The following GPI variants were observed in gnomAD, a reference collection of about 807,000 sequenced individuals.
GPI encodes the protein D-hexose-6-phosphate anomerase.
In GPI, 56 loss-of-function variants were observed where a neutral mutation model predicts 75.8. That is an observed-to-expected ratio of 0.74 (90% CI 0.60 to 0.92). The LOEUF (loss-of-function observed/expected upper bound fraction) is 0.92. Ranked by LOEUF, GPI falls within the 40% of genes least tolerant of loss-of-function variation. GPI has a pLI of 0.00. For synonymous variants in GPI, 288 were observed against 285.4 expected, an observed-to-expected ratio of 1.01 and a Z score of -0.09; for missense variants, 638 against 741.0, an observed-to-expected ratio of 0.86 and a Z score of 1.61.
intron 3 of GPI, chr19:34,367,181 A>G: frequency 1.2e-5 from 5 of 417,236 alleles, no homozygotes; most frequent in Non-Finnish European, 2.3e-5. Context: ...AGCGACAAGA[A>G]GAATCTTAGA....
At chr19:34,369,473 G>T (rs964445437) in intron 4 of GPI, among the ~76,000 whole-genome samples, 1 of 152,084 alleles carries the variant, frequency 6.6e-6, no homozygotes, top group African/African-American at 2.4e-5. Flanking sequence ...TTGAGAGGCC[G>T]GGGTGGGTGG....
At chr19:34,366,521 A>G in intron 2 of GPI, 86 bp downstream of exon 2, 1 of 905,220 alleles carries the variant, frequency 1.1e-6, no homozygotes, top group Non-Finnish European at 1.9e-6. Context: ...GACCTTGAGT[A>G]TCTTGAGTTC....
intron 1 of GPI, 147 bp downstream of exon 1, chr19:34,365,535 A>T: frequency 7.7e-7 from 1 of 1,303,582 alleles, no homozygotes; most frequent in Non-Finnish European, 1.1e-6. Context: ...CCGAGTCCGC[A>T]CTTCGTCCTT....
chr19:34,365,854 G>A (rs2074354846), intron 1 of GPI: 1 of 470,722 alleles, frequency 2.1e-6, no homozygotes, highest in Non-Finnish European at 4.2e-6. Flanking sequence ...TGGAGACGTC[G>A]GGCGTGATTC....
intron 9 of GPI, among the ~76,000 whole-genome samples, chr19:34,381,973 C>T (rs889961183): frequency 3.9e-5 from 6 of 152,118 alleles, no homozygotes; most frequent in Admixed American, 1.3e-4. Flanking sequence ...GTAGAGGAGG[C>T]GCCAGGCTGG....
chr19:34,393,873 G>T lies in GPI; in HGVS notation c.910-41G>T. 6.2e-7 allele frequency: 1 copy of T among 1,610,768 alleles called. No homozygotes were observed. The highest frequency in any genetic ancestry group is 8.5e-7 in the Non-Finnish European group (1 of 1,178,204). ...CCACTGTCCTGTCCCTCCCCTCCCCGTGCAGCTGCTCAGCTCCCACTCATC... is the reference window on the plus strand; with the variant it reads ...CCACTGTCCTGTCCCTCCCCTCCCCTTGCAGCTGCTCAGCTCCCACTCATC... On this transcript the variant is annotated intron_variant, in intron 11 of 17. Transcript: ENST00000356487. The surrounding 1 kb of genome is among the most constrained non-coding windows in gnomAD (Gnocchi z 4.4).
In GPI at chr19:34,365,602, C is replaced by T. The variant is rs1253180046; in HGVS notation, c.122+214C>T. On this transcript the variant is annotated intron_variant, in intron 1 of 17. Transcript: ENST00000356487. ...TGCAGCCTCGCCGGGAGTCTCGGCCCCGGGTCTGCTTCGTTACGAGGAAAA... is the reference window on the plus strand; with the variant it reads ...TGCAGCCTCGCCGGGAGTCTCGGCCTCGGGTCTGCTTCGTTACGAGGAAAA... 4 of 805,146 alleles carry T rather than the reference C, an allele frequency of 5.0e-6. No individual in the cohort carries two copies. In the African/African-American group the frequency reaches 5.1e-5, roughly 10 times the overall value. The allele number at this position is 805,146 out of a possible 1,614,324, so 49.9% of individuals were successfully genotyped here. A position where few individuals can be genotyped will look rare whatever the true frequency, so the allele number is the denominator to read the frequency against.
intron 9 of GPI, among the ~76,000 whole-genome samples, chr19:34,391,526 C>T (rs1347376351): frequency 1.4e-5 from 2 of 147,202 alleles, no homozygotes; most frequent in South Asian, 2.2e-4. Flanking sequence ...GGATCTGGGT[C>T]TGTCAATGTC....
intron 8 of GPI, chr19:34,381,235 A>T (rs1433619382): frequency 1.7e-6 from 1 of 600,976 alleles, no homozygotes; most frequent in East Asian, 2.8e-5. Context: ...CTTTGCAGGC[A>T]CAACGTCACT....
At chr19:34,377,994 AC>A in intron 6 of GPI, 113 bp downstream of exon 6, 1 of 1,103,704 alleles carries the variant, frequency 9.1e-7, no homozygotes, top group South Asian at 1.3e-5. Flanking sequence ...TTCCGAGTGA[AC>A]CATGGTTTGT....
In GPI at chr19:34,399,211, T is replaced by C. The variant is rs761103645; in HGVS notation, c.1274T>C (p.Leu425Pro). Reference sequence around the variant, plus strand: ...AACTGATGTCTCGCTCATCAGATCCTCCTGGCCAACTTCTTGGCCCAGACA... The same window carrying C: ...AACTGATGTCTCGCTCATCAGATCCCCCTGGCCAACTTCTTGGCCCAGACA... ...PIRKGLHHKI[L>P]LANFLAQTEA... is the part of the protein sequence containing the mutation. Residue 425 changes from leucine to proline, a missense_variant, in exon 15 of 18, where the codon CTC becomes CCC. Coordinates refer to ENST00000356487, the MANE Select transcript of GPI (RefSeq NM_000175.5). The C allele has an allele frequency of 6.2e-7, 1 of 1,613,074 alleles. No individual in the cohort carries two copies. Among genetic ancestry groups the C allele is most frequent in the Non-Finnish European group, 8.5e-7 (1 of 1,179,862 alleles).
At chr19:34,390,931 T>G (rs372469629) in intron 9 of GPI, among the ~76,000 whole-genome samples, 1 of 107,766 alleles carries the variant, frequency 9.3e-6, no homozygotes, top group South Asian at 3.5e-4. Context: ...TGGGTCTTCC[T>G]GTGTCTGAGG....
chr19:34,392,240 G>GGATCTGGTGCAGATATA (rs1268963686), intron 9 of GPI: 6 of 152,232 alleles, frequency 3.9e-5, no homozygotes, highest in Non-Finnish European at 7.2e-5. Context: ...AATATCTGAA[G>GGATCTGGTGCAGATATA]AGGTAGGAAT....
chr19:34,388,498 A>G (rs1390634737), intron 9 of GPI, among the ~76,000 whole-genome samples: 4 of 152,132 alleles, frequency 2.6e-5, no homozygotes, highest in Non-Finnish European at 5.9e-5. Flanking sequence ...AAGTGAGTAA[A>G]GTGAGGAAAA....
At chr19:34,374,884 A>G (rs1387204705) in intron 4 of GPI, among the ~76,000 whole-genome samples, 2 of 151,720 alleles carry the variant, frequency 1.3e-5, no homozygotes, top group Non-Finnish European at 2.9e-5. Context: ...ACATGTCACC[A>G]TGCCTGGCTA....
chr19:34,374,727 T>C (rs1027377008), intron 4 of GPI, among the ~76,000 whole-genome samples: 1 of 151,570 alleles, frequency 6.6e-6, no homozygotes, highest in South Asian at 2.1e-4. Flanking sequence ...TTTTCTTTTT[T>C]TCTTTGTTTT....
chr19:34,394,150 C>G, intron 12 of GPI, 84 bp downstream of exon 12: 3 of 1,021,026 alleles, frequency 2.9e-6, no homozygotes, highest in Non-Finnish European at 4.5e-6. Flanking sequence ...TCAGCTCCTC[C>G]AGGAGCTCTT....
intron 6 of GPI, among the ~76,000 whole-genome samples, chr19:34,378,705 C>T (rs1378870459): frequency 2.6e-5 from 4 of 152,208 alleles, no homozygotes; most frequent in Non-Finnish European, 4.4e-5. Flanking sequence ...GGAGAAGCTG[C>T]GGCCTTTGAC....
chr19:34,393,163 G>T lies in GPI; in HGVS notation c.805-85G>T, dbSNP rs2074890415. 9.1e-7 allele frequency: 1 copy of T among 1,101,368 alleles called. No individual in the cohort carries two copies. Among genetic ancestry groups the T allele is most frequent in the Admixed American group, 1.7e-5 (1 of 59,270 alleles). 68.2% of individuals were successfully genotyped at this position (1,101,368 alleles called of 1,614,324 possible). A position where few individuals can be genotyped will look rare whatever the true frequency, so the allele number is the denominator to read the frequency against. ...CCAGGGCCCTCCGAGACGCCCCTGT[G>T]CAAGACCAGGGACAGGGTTTCCGGC... is the stretch of plus-strand genomic sequence containing the variant. On this transcript the variant is annotated intron_variant, in intron 9 of 17. Transcript: ENST00000356487. This position sits in a 1 kb window ranked among gnomAD's most constrained non-coding sequence, Gnocchi z 4.4.
Sources: allele counts gnomAD v4.1 joint callset (sites outside exome capture counted in the v4.1 genomes callset), GRCh38; gene constraint gnomAD v4.1.1; non-coding constraint Gnocchi (gnomAD v3.1); transcripts MANE v1.5; gene names NCBI Gene and HGNC (gene_info 2026-07-23, HGNC 2026-07-21).